The following POLA1 variants were observed in gnomAD, a reference collection of about 807,000 sequenced individuals.
The protein encoded by POLA1 is DNA polymerase alpha 1, catalytic subunit.
A neutral mutation model predicts 124.0 loss-of-function variants in POLA1; 15 were observed. The ratio of observed to expected loss-of-function variants is 0.12; its 90% confidence interval spans 0.08 to 0.19. The LOEUF is 0.19. Among genes scored for constraint, POLA1 ranks in the 10% least tolerant of loss-of-function variants. POLA1 has a pLI of 1.00. For synonymous variants in POLA1, 408 were observed against 389.4 expected (o/e 1.05, Z -0.56); for missense variants, 886 against 1,103.4 (o/e 0.80, Z 2.79).
chrX:24,879,127 G>T (rs1458259190), intron 34 of POLA1, among the ~76,000 whole-genome samples: 3 of 111,374 alleles, frequency 2.7e-5, no homozygotes, highest in African/African-American at 9.8e-5. Context: ...TAAGGTGGTG[G>T]TTTTTTTCAG....
chrX:24,949,977 C>A (rs1021473490), intron 36 of POLA1, among the ~76,000 whole-genome samples: 1 of 110,972 alleles, frequency 9.0e-6, no homozygotes, highest in East Asian at 2.8e-4. Flanking sequence ...TGTGATCCGC[C>A]CACCTCGGCC....
intron 26 of POLA1, among the ~76,000 whole-genome samples, chrX:24,774,588 G>A (rs1011171137): frequency 9.0e-6 from 1 of 111,139 alleles, no homozygotes; most frequent in Non-Finnish European, 1.9e-5. Context: ...TAATCCCCTG[G>A]GAAGGAGCAG....
Position 24,723,271 on chromosome X carries a change from A to G in POLA1, c.1200+4A>G, listed in dbSNP as rs778914438. On this transcript the variant is annotated splice_donor_region_variant and intron_variant, in intron 11 of 36. Transcript: ENST00000379068. Reference sequence around the variant, plus strand: ...TTACTTCCTTCCCCGTGAAATGGTAAACATTAGTGATTAGCTTTTAGTTCT... The same window carrying G: ...TTACTTCCTTCCCCGTGAAATGGTAGACATTAGTGATTAGCTTTTAGTTCT... 1 of 1,094,235 alleles carries G rather than the reference A, an allele frequency of 9.1e-7. No homozygotes were observed. The highest frequency in any genetic ancestry group is 2.2e-5 in the Admixed American group (1 of 45,639). The allele number at this position is 1,094,235 out of a possible 1,213,427, so 90.2% of individuals were successfully genotyped here.
At chrX:24,790,244 A>C (rs190652710) in intron 26 of POLA1, among the ~76,000 whole-genome samples, 27 of 111,977 alleles carry the variant, frequency 2.4e-4, no homozygotes, top group Admixed American at 7.6e-4. Flanking sequence ...CGTCATAGAA[A>C]CTATAGTTGC....
At chrX:24,762,039 G>T (rs1322012752) in intron 26 of POLA1, among the ~76,000 whole-genome samples, 2 of 112,194 alleles carry the variant, frequency 1.8e-5, no homozygotes, top group Non-Finnish European at 3.8e-5. Flanking sequence ...TCACCCACTT[G>T]TTTACTTTTT....
chrX:24,833,237 T>A (rs777967760), intron 32 of POLA1, among the ~76,000 whole-genome samples: 5 of 112,276 alleles, frequency 4.5e-5, no homozygotes, highest in Admixed American at 9.4e-5. Flanking sequence ...ATGTCATATT[T>A]TTTTTTATGG....
At chrX:24,826,964 A>C (rs181999165) in intron 32 of POLA1, among the ~76,000 whole-genome samples, 95 of 112,197 alleles carry the variant, frequency 8.5e-4, no homozygotes, top group African/African-American at 3.0e-3. Flanking sequence ...TGCTATCTTG[A>C]TTATTGGTTC....
Position 24,743,879 on chromosome X carries a change from A to AT in POLA1, c.2566+559dup, listed in dbSNP as rs1393539685. ...TTTGTGGTACACAGAGCTAGAAATA[A>AT]TTTTTTTTTCTTTTTTTCTTTTTTT... On this transcript the variant is annotated intron_variant, in intron 23 of 36. Coordinates refer to ENST00000379068, the MANE Select transcript of POLA1 (RefSeq NM_001330360.2). Among the ~76,000 whole-genome samples the AT allele has an allele frequency of 8.3e-4, 90 of 108,251 alleles. 1 individual carries two copies. Among genetic ancestry groups the AT allele is most frequent in the African/African-American group, 2.9e-3 (87 of 29,742 alleles). The allele number at this position is 108,251 out of a possible 115,157, so 94.0% of individuals were successfully genotyped here. A position where few individuals can be genotyped will look rare whatever the true frequency, so the allele number is the denominator to read the frequency against.
At chrX:24,805,649 C>T (rs1156952041) in intron 26 of POLA1, among the ~76,000 whole-genome samples, 2 of 111,768 alleles carry the variant, frequency 1.8e-5, no homozygotes, top group African/African-American at 6.5e-5. Flanking sequence ...GAAAAATTAA[C>T]CACAAAGTTT....
intron 26 of POLA1, among the ~76,000 whole-genome samples, chrX:24,775,828 A>G (rs902519840): frequency 1.1e-4 from 12 of 112,092 alleles, no homozygotes; most frequent in Non-Finnish European, 1.9e-4. Flanking sequence ...ATTACTAAAC[A>G]TTAGATTTTT....
intron 36 of POLA1, among the ~76,000 whole-genome samples, chrX:24,949,934 A>G (rs1452924397): frequency 4.6e-5 from 5 of 109,471 alleles, no homozygotes; most frequent in South Asian, 4.0e-4. Context: ...GGGGATCACC[A>G]TGTTGGCCAG....
chrX:24,873,656 A>G (rs185991473), intron 34 of POLA1, among the ~76,000 whole-genome samples: 1,555 of 111,847 alleles, frequency 0.014, 16 homozygotes, highest in Middle Eastern at 0.028. Flanking sequence ...AAAATTAGAG[A>G]TATTCATAAT....
intron 35 of POLA1, 36 bp from the exon 36 acceptor site, chrX:24,930,417 A>G (rs1198060612): frequency 1.2e-6 from 1 of 867,002 alleles, no homozygotes; most frequent in South Asian, 2.0e-5. Context: ...CCCCCTCCCC[A>G]GTAGTAGTAT....
At chrX:24,798,765 C>T (rs1188469955) in intron 26 of POLA1, among the ~76,000 whole-genome samples, 1 of 111,032 alleles carries the variant, frequency 9.0e-6, no homozygotes, top group Non-Finnish European at 1.9e-5. Flanking sequence ...GATTGGTGCC[C>T]CTAACCTCCG....
At chrX:24,879,408 A>G (rs904658479) in intron 34 of POLA1, among the ~76,000 whole-genome samples, 1 of 112,028 alleles carries the variant, frequency 8.9e-6, no homozygotes, top group African/African-American at 3.2e-5. Flanking sequence ...GGAAAAAAGT[A>G]TTTTCTGAAA....
chrX:24,740,285 A>G (rs1471166105), intron 20 of POLA1, among the ~76,000 whole-genome samples: 1 of 111,541 alleles, frequency 9.0e-6, no homozygotes, highest in African/African-American at 3.3e-5. Flanking sequence ...CCTCTCTCTG[A>G]TATCCCACAG....
chrX:24,888,176 G>A lies in POLA1; in HGVS notation c.4164+54G>A, dbSNP rs959052686. 9.5e-6 allele frequency: 7 copies of A among 735,961 alleles called. No individual in the cohort carries two copies. In the Admixed American group the frequency reaches 1.6e-4, roughly 16 times the overall value. 60.7% of individuals were successfully genotyped at this position (735,961 alleles called of 1,213,427 possible). ...TGTAGAAGAGGGTAGAGGGCTGCTT[G>A]CTTTGAGAAGTAGATACTGAGTATT... On this transcript the variant is annotated intron_variant, in intron 35 of 36. Transcript: ENST00000379068.
At chrX:24,792,227 C>CT (rs1284242136) in intron 26 of POLA1, among the ~76,000 whole-genome samples, 2 of 111,206 alleles carry the variant, frequency 1.8e-5, no homozygotes, top group Non-Finnish European at 3.8e-5. Flanking sequence ...GACAAGGCTG[C>CT]TTTTTAATGG....
intron 34 of POLA1, among the ~76,000 whole-genome samples, chrX:24,853,785 C>A (rs776727207): frequency 4.5e-5 from 5 of 111,706 alleles, no homozygotes; most frequent in Non-Finnish European, 7.5e-5. Context: ...GTTATTCTTT[C>A]AAGTAAAGAT....
Sources: gnomAD v4.1 joint callset for allele counts (sites outside exome capture counted in the v4.1 genomes callset) on GRCh38, gnomAD v4.1.1 for gene constraint, MANE v1.5 for transcripts, NCBI Gene and HGNC (gene_info 2026-07-23, HGNC 2026-07-21) for gene names.